ASPDH: variants seen among roughly 807,000 people sequenced by gnomAD.
The protein encoded by ASPDH is aspartate dehydrogenase domain containing, also known as aspartate dehydrogenase domain-containing protein.
A neutral mutation model predicts 30.5 loss-of-function variants in ASPDH; 25 were observed. That is an observed-to-expected ratio of 0.82 (90% CI 0.60 to 1.14). The LOEUF is 1.14. Ranked by LOEUF, ASPDH falls within the 50% of genes most tolerant of loss-of-function variation. The pLI, the probability that ASPDH is intolerant of heterozygous loss-of-function variation, is 0.00. For missense variants in ASPDH, 401 were observed against 381.5 expected, an observed-to-expected ratio of 1.05 and a Z score of -0.43; for synonymous variants, 168 against 156.3, an observed-to-expected ratio of 1.07 and a Z score of -0.56.
At chr19:50,514,807 G>A, upstream of ASPDH, 2 of 1,255,192 alleles carry the variant, frequency 1.6e-6, no homozygotes, top group Non-Finnish European at 2.0e-6. Flanking sequence ...GCATGGGGTG[G>A]GGGGGGCGGG....
rs1431809948 is a variant in ASPDH, at chr19:50,512,550, C to T, written c.463G>A (p.Asp155Asn). ...AGGGGTCCCTCAAGCCGGAAGCCATCGGGGTGTGTGGCCATGGTGACACGA... is the reference window on the plus strand; with the variant it reads ...AGGGGTCCCTCAAGCCGGAAGCCATTGGGGTGTGTGGCCATGGTGACACGA... ...SLRVTMATHP[D>N]GFRLEGPLAA... The change falls in exon 5 of 7, where the codon GAT becomes AAT. Residue 155 changes from aspartate (D) to asparagine (N), a missense_variant. Asp to Asn is a conservative substitution (Grantham distance 23, BLOSUM62 1). Coordinates refer to ENST00000389208, the MANE Select transcript of ASPDH (RefSeq NM_001114598.2). 6 of 1,536,630 alleles carry T rather than the reference C, an allele frequency of 3.9e-6. No individual in the cohort carries two copies. Among genetic ancestry groups the T allele is most frequent in the South Asian group, 1.3e-5 (1 of 78,070 alleles).
At chr19:50,514,925 A>G, upstream of ASPDH, 10 of 985,396 alleles carry the variant, frequency 1.0e-5, no homozygotes, top group Non-Finnish European at 1.2e-5. Context: ...GCCGCTGCTG[A>G]TAAGGGAGGA....
intron 6 of ASPDH, 121 bp from the exon 7 acceptor site, chr19:50,511,894 AGC>A (rs1979914958): frequency 1.3e-6 from 1 of 778,460 alleles, no homozygotes; most frequent in African/African-American, 1.8e-5. Context: ...ACCCGGAGAG[AGC>A]GGGACAGAGC....
intron 6 of ASPDH, 53 bp downstream of exon 6, chr19:50,512,083 A>G (rs1979940507): frequency 2.1e-6 from 3 of 1,432,968 alleles, no homozygotes; most frequent in African/African-American, 2.9e-5. Context: ...CGGGACCCCC[A>G]AGCTCTGCAG....
intron 6 of ASPDH, 51 bp downstream of exon 6, chr19:50,512,085 G>A: frequency 6.9e-7 from 1 of 1,449,244 alleles, no homozygotes; most frequent in East Asian, 2.5e-5. Context: ...GGACCCCCAA[G>A]CTCTGCAGAA....
At position 50,511,702 on chromosome 19, in the gene ASPDH, G is replaced by T; in HGVS notation, c.*28C>A. Reference sequence around the variant, plus strand: ...GGTGGTGGTGAGAGGCCAGGCAGATGATCTTGTCTCGGGAGGGAGGAGGCT... The same window carrying T: ...GGTGGTGGTGAGAGGCCAGGCAGATTATCTTGTCTCGGGAGGGAGGAGGCT... On this transcript the variant is annotated 3_prime_UTR_variant, in exon 7 of 7. Coordinates refer to ENST00000389208, the MANE Select transcript of ASPDH (RefSeq NM_001114598.2). 3 of 1,291,046 alleles carry T rather than the reference G, an allele frequency of 2.3e-6. No homozygotes were observed. Among genetic ancestry groups the T allele is most frequent in the Admixed American group, 7.5e-5 (2 of 26,840 alleles). The allele number at this position is 1,291,046 out of a possible 1,614,324, so 80.0% of individuals were successfully genotyped here.
intron 4 of ASPDH, 31 bp from the exon 5 acceptor site, chr19:50,512,611 G>A (rs1445209035): frequency 1.3e-6 from 2 of 1,513,366 alleles, no homozygotes; most frequent in East Asian, 4.6e-5. Flanking sequence ...TAGGGGGAGT[G>A]GGGTCTTTGC....
chr19:50,513,467 G>A lies in ASPDH; in HGVS notation c.53-51C>T. On this transcript the variant is annotated intron_variant, in intron 1 of 6. Transcript: ENST00000389208. This position sits in a 1 kb window ranked among gnomAD's most constrained non-coding sequence, Gnocchi z 4.9. Reference sequence around the variant, plus strand: ...AGAGATCCAGAGAGAGGGGGACAGAGACCCAGAGAGAGAGGAGGTGGGGAC... The same window carrying A: ...AGAGATCCAGAGAGAGGGGGACAGAAACCCAGAGAGAGAGGAGGTGGGGAC... 1 of 1,441,520 alleles carries A rather than the reference G, an allele frequency of 6.9e-7. No homozygotes were observed. Among genetic ancestry groups the A allele is most frequent in the Non-Finnish European group, 9.1e-7 (1 of 1,093,776 alleles). The allele number at this position is 1,441,520 out of a possible 1,614,324, so 89.3% of individuals were successfully genotyped here.
At chr19:50,514,661 G>C, upstream of ASPDH, 1 of 1,563,728 alleles carries the variant, frequency 6.4e-7, no homozygotes. Context: ...GAGGGTGCCT[G>C]GCATCGGAAA....
At chr19:50,511,815 T>G (rs1319226513) in intron 6 of ASPDH, 42 bp from the exon 7 acceptor site, 13 of 1,259,032 alleles carry the variant, frequency 1.0e-5, no homozygotes, top group South Asian at 4.7e-5. Context: ...AGAGGAGAGA[T>G]GAGGAGACAG....
In ASPDH at chr19:50,513,278, C is replaced by T. The variant is rs1446599506; in HGVS notation, c.191G>A (p.Gly64Glu). ...SLQLQNLAALGERRPDLVVEV... is the reference protein window; with the variant it reads ...SLQLQNLAALEERRPDLVVEV... ...CCATGGCAAGGTCACTGACCTTTCCCCAAGGGCAGCAAGGTTCTGGAGCTG... is the reference window on the plus strand; with the variant it reads ...CCATGGCAAGGTCACTGACCTTTCCTCAAGGGCAGCAAGGTTCTGGAGCTG... The change falls in exon 2 of 7, where the codon GGG becomes GAG. Residue 64 changes from glycine (G) to glutamate (E), a missense_variant. Transcript: ENST00000389208. The surrounding 1 kb of genome is among the most constrained non-coding windows in gnomAD (Gnocchi z 4.9). 4.0e-6 allele frequency: 6 copies of T among 1,482,548 alleles called. No homozygotes were observed. Among genetic ancestry groups the T allele is most frequent in the Non-Finnish European group, 4.5e-6 (5 of 1,115,718 alleles). 91.8% of individuals were successfully genotyped at this position (1,482,548 alleles called of 1,614,324 possible). A position where few individuals can be genotyped will look rare whatever the true frequency, so the allele number is the denominator to read the frequency against.
chr19:50,514,752 A>C, upstream of ASPDH: 1 of 1,169,792 alleles, frequency 8.5e-7, no homozygotes. Flanking sequence ...GGCAACCAGG[A>C]TTGGCGCTGG....
Position 50,513,022 on chromosome 19 carries a change from G to T in ASPDH, c.198-11C>A, listed in dbSNP as rs772353184. 4 of 1,608,958 alleles carry T rather than the reference G, an allele frequency of 2.5e-6. No homozygotes were observed. Among genetic ancestry groups the T allele is most frequent in the Non-Finnish European group, 3.4e-6 (4 of 1,176,424 alleles). Reference sequence around the variant, plus strand: ...ACCAGATCAGGGCGCCTGGGAGAGGGGAAAGAGGGCGGAGGGTCTTGGAGA... The same window carrying T: ...ACCAGATCAGGGCGCCTGGGAGAGGTGAAAGAGGGCGGAGGGTCTTGGAGA... On this transcript the variant is annotated splice_polypyrimidine_tract_variant and intron_variant, in intron 2 of 6. Coordinates refer to ENST00000389208, the MANE Select transcript of ASPDH (RefSeq NM_001114598.2). The surrounding 1 kb of genome is among the most constrained non-coding windows in gnomAD (Gnocchi z 4.9).
upstream of ASPDH, chr19:50,514,990 T>C: frequency 1.0e-6 from 1 of 985,336 alleles, no homozygotes; most frequent in Non-Finnish European, 1.2e-6. Flanking sequence ...TGCCTGGGTG[T>C]AGACAGAGCC....
At position 50,513,220 on chromosome 19, in the gene ASPDH, GC is replaced by G; in HGVS notation, c.197+51del. ...CTGAGATCACACAGTGGCTAAGAGAGCCAGGACAGGAGCTTCAGGGAGCTCC... is the reference window on the plus strand; with the variant it reads ...CTGAGATCACACAGTGGCTAAGAGAGCAGGACAGGAGCTTCAGGGAGCTCC... On this transcript the variant is annotated intron_variant, in intron 2 of 6. Coordinates refer to ENST00000389208, the MANE Select transcript of ASPDH (RefSeq NM_001114598.2). This position sits in a 1 kb window ranked among gnomAD's most constrained non-coding sequence, Gnocchi z 4.9. The G allele has an allele frequency of 7.0e-7, 1 of 1,428,034 alleles. No homozygotes were observed. The highest frequency in any genetic ancestry group is 9.3e-7 in the Non-Finnish European group (1 of 1,080,906). 88.5% of individuals were successfully genotyped at this position (1,428,034 alleles called of 1,614,324 possible).
Position 50,513,186 on chromosome 19 carries a change from A to G in ASPDH, c.197+86T>C. On this transcript the variant is annotated intron_variant, in intron 2 of 6. Coordinates refer to ENST00000389208, the MANE Select transcript of ASPDH (RefSeq NM_001114598.2). The surrounding 1 kb of genome is among the most constrained non-coding windows in gnomAD (Gnocchi z 4.9). ...CTTGAACCAAGGCCCAGAGAGGGTC[A>G]GGGAACCCCTGAGATCACACAGTGG... is the stretch of plus-strand genomic sequence containing the variant. 7.4e-7 allele frequency: 1 copy of G among 1,356,380 alleles called. No homozygotes were observed. The allele number at this position is 1,356,380 out of a possible 1,614,324, so 84.0% of individuals were successfully genotyped here.
chr19:50,513,179 G>A lies in ASPDH; in HGVS notation c.197+93C>T. The A allele has an allele frequency of 7.5e-7, 1 of 1,325,988 alleles. No homozygotes were observed. The highest frequency in any genetic ancestry group is 2.6e-5 in the East Asian group (1 of 38,788). 82.1% of individuals were successfully genotyped at this position (1,325,988 alleles called of 1,614,324 possible). A position where few individuals can be genotyped will look rare whatever the true frequency, so the allele number is the denominator to read the frequency against. On this transcript the variant is annotated intron_variant, in intron 2 of 6. Coordinates refer to ENST00000389208, the MANE Select transcript of ASPDH (RefSeq NM_001114598.2). This position sits in a 1 kb window ranked among gnomAD's most constrained non-coding sequence, Gnocchi z 4.9. ...ACATTTGCTTGAACCAAGGCCCAGA[G>A]AGGGTCAGGGAACCCCTGAGATCAC...
At chr19:50,512,316 G>A in intron 5 of ASPDH, 26 bp from the exon 6 acceptor site, 7 of 1,613,858 alleles carry the variant, frequency 4.3e-6, no homozygotes, top group Non-Finnish European at 5.1e-6. Flanking sequence ...CAGTCAGTCT[G>A]GAGAGCCTGG....
chr19:50,515,036 G>A (rs1051080527), upstream of ASPDH: 29 of 985,150 alleles, frequency 2.9e-5, no homozygotes, highest in Non-Finnish European at 3.5e-5. Flanking sequence ...TCACGGAAGT[G>A]GGGGGCCTCC....
Sources: allele counts gnomAD v4.1 joint callset, GRCh38; gene constraint gnomAD v4.1.1; non-coding constraint Gnocchi (gnomAD v3.1); transcripts MANE v1.5; gene names NCBI Gene and HGNC (gene_info 2026-07-23, HGNC 2026-07-21).